CTNNA3: variants seen among roughly 807,000 people sequenced by gnomAD.
CTNNA3 encodes the protein catenin alpha 3.
Under a neutral mutation model 95.7 loss-of-function variants are expected in CTNNA3, and 76 were observed. The ratio of observed to expected loss-of-function variants is 0.79; its 90% confidence interval spans 0.66 to 0.96. CTNNA3 has a LOEUF of 0.96. Among genes scored for constraint, CTNNA3 ranks in the 40% least tolerant of loss-of-function variants. CTNNA3 has a pLI of 0.00. For missense variants in CTNNA3, 1,191 were observed against 1,089.8 expected (o/e 1.09, Z -1.31); for synonymous variants, 431 against 374.4 (o/e 1.15, Z -1.74).
At chr10:67,653,566 C>A (rs73270176) in intron 1 of CTNNA3, among the ~76,000 whole-genome samples, 9,448 of 152,214 alleles carry the variant, frequency 0.062, 314 homozygotes, top group South Asian at 0.1. Context: ...CCAGGCCCTA[C>A]CAACTATGCA....
chr10:65,972,949 C>T (rs1045677537), intron 16 of CTNNA3, among the ~76,000 whole-genome samples: 1 of 147,812 alleles, frequency 6.8e-6, no homozygotes, highest in African/African-American at 2.5e-5. Context: ...TATTACTTGA[C>T]TTCAAACTAC....
chr10:65,939,225 T>C (rs2077390484), intron 17 of CTNNA3, among the ~76,000 whole-genome samples: 1 of 152,172 alleles, frequency 6.6e-6, no homozygotes, highest in Non-Finnish European at 1.5e-5. Context: ...TTTTCAGCTG[T>C]AAATTGAGAC....
chr10:66,955,488 G>C (rs187530146), intron 7 of CTNNA3, among the ~76,000 whole-genome samples: 1 of 152,226 alleles, frequency 6.6e-6, no homozygotes, highest in East Asian at 1.9e-4. Flanking sequence ...ATGCATCTAA[G>C]AAGTCGAGGG....
intron 11 of CTNNA3, among the ~76,000 whole-genome samples, chr10:66,453,928 C>T (rs948390569): frequency 1.3e-5 from 2 of 152,086 alleles, no homozygotes; most frequent in Non-Finnish European, 2.9e-5. Context: ...CCTTACATGG[C>T]AAAAATGGAT....
At chr10:66,264,760 T>C (rs368067663) in intron 13 of CTNNA3, among the ~76,000 whole-genome samples, 28 of 152,058 alleles carry the variant, frequency 1.8e-4, no homozygotes, top group African/African-American at 6.7e-4. Flanking sequence ...CAGACTCATA[T>C]CTGGTATCCT....
chr10:67,416,726 G>A (rs1008845259), intron 5 of CTNNA3, among the ~76,000 whole-genome samples: 1 of 151,548 alleles, frequency 6.6e-6, no homozygotes, highest in Non-Finnish European at 1.5e-5. Context: ...TCAGAGAAAT[G>A]CAAGTCAAAA....
At chr10:66,218,057 T>C (rs2088668477) in intron 13 of CTNNA3, among the ~76,000 whole-genome samples, 1 of 152,204 alleles carries the variant, frequency 6.6e-6, no homozygotes, top group African/African-American at 2.4e-5. Context: ...ATTCAATCTG[T>C]GAGGCAGGAG....
At chr10:66,560,436 C>T (rs569414687) in intron 10 of CTNNA3, among the ~76,000 whole-genome samples, 4 of 151,814 alleles carry the variant, frequency 2.6e-5, no homozygotes, top group South Asian at 2.1e-4. Context: ...CAAAGCTAAA[C>T]GAGTAAGAAA....
chr10:66,588,540 TC>T (rs1589457829), intron 10 of CTNNA3, among the ~76,000 whole-genome samples: 2 of 152,262 alleles, frequency 1.3e-5, no homozygotes, highest in East Asian at 3.9e-4. Flanking sequence ...CTATTTGACA[TC>T]ATTTGGGGGT....
intron 8 of CTNNA3, among the ~76,000 whole-genome samples, chr10:66,770,269 T>C (rs1840035513): frequency 6.6e-6 from 1 of 152,236 alleles, no homozygotes; most frequent in African/African-American, 2.4e-5. Context: ...TATAGTCATA[T>C]ATACCTACAT....
intron 1 of CTNNA3, among the ~76,000 whole-genome samples, chr10:67,701,785 T>C (rs1256492906): frequency 1.3e-5 from 2 of 151,418 alleles, no homozygotes; most frequent in Non-Finnish European, 3.0e-5. Flanking sequence ...ATATTAACTT[T>C]AAATGTAAAT....
At chr10:67,528,101 G>A (rs1490751668) in intron 4 of CTNNA3, among the ~76,000 whole-genome samples, 1 of 151,850 alleles carries the variant, frequency 6.6e-6, no homozygotes, top group Non-Finnish European at 1.5e-5. Flanking sequence ...ATATTTAAAG[G>A]GCACTCATTT....
intron 5 of CTNNA3, among the ~76,000 whole-genome samples, chr10:67,459,793 C>T (rs1847309406): frequency 6.6e-6 from 1 of 152,144 alleles, no homozygotes; most frequent in Non-Finnish European, 1.5e-5. Context: ...CTTTGCCCTA[C>T]AACAATATAA....
At chr10:67,212,303 C>T (rs1864171418) in intron 6 of CTNNA3, among the ~76,000 whole-genome samples, 1 of 151,924 alleles carries the variant, frequency 6.6e-6, no homozygotes, top group Non-Finnish European at 1.5e-5. Context: ...CTCCACTCCT[C>T]AATATTGCAT....
At chr10:66,446,195 CA>C (rs1180663608) in intron 11 of CTNNA3, among the ~76,000 whole-genome samples, 3 of 151,988 alleles carry the variant, frequency 2.0e-5, no homozygotes, top group East Asian at 3.9e-4. Flanking sequence ...GCTTACAAAC[CA>C]AAAAAAGTCC....
intron 9 of CTNNA3, among the ~76,000 whole-genome samples, chr10:66,637,585 GCATTCTGGCTTT>G (rs1309540118): frequency 3.9e-5 from 6 of 152,200 alleles, no homozygotes; most frequent in African/African-American, 1.4e-4. Context: ...AAATCCCACA[GCATTCTGGCTTT>G]GCTCAGTGTA....
intron 5 of CTNNA3, among the ~76,000 whole-genome samples, chr10:67,305,299 G>A (rs1018494492): frequency 1.3e-5 from 2 of 149,762 alleles, no homozygotes; most frequent in Non-Finnish European, 2.9e-5. Context: ...CACCAGCATG[G>A]CACATGTATA....
At chr10:67,282,370 C>T (rs75123214) in intron 5 of CTNNA3, among the ~76,000 whole-genome samples, 5,993 of 152,114 alleles carry the variant, frequency 0.039, 367 homozygotes, top group East Asian at 0.25. Flanking sequence ...GGTATACTCC[C>T]ATGGGAACAC....
At chr10:66,761,801 T>C (rs1295388970) in intron 9 of CTNNA3, among the ~76,000 whole-genome samples, 1 of 152,136 alleles carries the variant, frequency 6.6e-6, no homozygotes, top group African/African-American at 2.4e-5. Flanking sequence ...GAGGGAGCTC[T>C]GGAACAGAGT....
Sources: allele counts gnomAD v4.1 joint callset (sites outside exome capture counted in the v4.1 genomes callset), GRCh38; gene constraint gnomAD v4.1.1; transcripts MANE v1.5; gene names NCBI Gene and HGNC (gene_info 2026-07-23, HGNC 2026-07-21).